CFAP74: variants seen among roughly 807,000 people sequenced by gnomAD.
The protein encoded by CFAP74 is cilia- and flagella-associated protein 74.
Under a neutral mutation model 188.9 loss-of-function variants are expected in CFAP74, and 124 were observed. That is an observed-to-expected ratio of 0.66 (90% CI 0.57 to 0.76). The LOEUF is 0.76. Among genes scored for constraint, CFAP74 ranks in the 30% least tolerant of loss-of-function variants. The pLI is 0.00. For synonymous variants in CFAP74, 956 were observed against 916.7 expected (o/e 1.04, Z -0.77); for missense variants, 2,198 against 2,165.2 (o/e 1.02, Z -0.30).
chr1:1,972,675 A>G (rs1488784813), intron 8 of CFAP74, among the ~76,000 whole-genome samples: 1 of 152,096 alleles, frequency 6.6e-6, no homozygotes, highest in African/African-American at 2.4e-5. Context: ...GTGAAACCCC[A>G]TCTCTACTAA....
At chr1:1,933,000 C>G (rs1652540028) in intron 25 of CFAP74, among the ~76,000 whole-genome samples, 1 of 147,226 alleles carries the variant, frequency 6.8e-6, no homozygotes, top group African/African-American at 2.5e-5. Flanking sequence ...ATTCTCCTGC[C>G]TCAGCCTCCC....
In CFAP74 at chr1:1,975,457, G is replaced by A. The variant is rs1025639047; in HGVS notation, c.501-1259C>T. Among the ~76,000 whole-genome samples, 1 of 152,144 alleles carries A rather than the reference G, an allele frequency of 6.6e-6. No homozygotes were observed. Among genetic ancestry groups the A allele is most frequent in the African/African-American group, 2.4e-5 (1 of 41,422 alleles). ...ATTTCAATGTTGAATGTTTGATTTG[G>A]GGTTTTCTGATTTGCCTCCTGAGAT... is the stretch of plus-strand genomic sequence containing the variant. On this transcript the variant is annotated intron_variant, in intron 6 of 38. Coordinates refer to ENST00000682832, the MANE Select transcript of CFAP74 (RefSeq NM_001304360.2). This position sits in a 1 kb window ranked among gnomAD's most constrained non-coding sequence, Gnocchi z 4.5.
intron 11 of CFAP74, 24 bp from the exon 12 acceptor site, chr1:1,966,550 G>A (rs202109215): frequency 4.6e-5 from 69 of 1,501,630 alleles, no homozygotes; most frequent in Non-Finnish European, 5.4e-5. Flanking sequence ...GAGGAACATC[G>A]CAAAGACACG....
At chr1:1,945,913 T>C (rs2803339) in intron 20 of CFAP74, among the ~76,000 whole-genome samples, 118,783 of 143,742 alleles carry the variant, frequency 0.83, 49,080 homozygotes, top group African/African-American at 0.92. Context: ...TGTGCATGTG[T>C]GTGAGGACTC....
chr1:1,976,125 A>G (rs1656424296), intron 6 of CFAP74, among the ~76,000 whole-genome samples: 1 of 152,170 alleles, frequency 6.6e-6, no homozygotes, highest in African/African-American at 2.4e-5. Context: ...ACGAGGCACT[A>G]ATCGCCCCCA....
rs1280036661 is a variant in CFAP74 at position 1,928,864 on chromosome 1, C to T, written c.3307G>A (p.Ala1103Thr). The change falls in exon 27 of 39, where the codon GCC becomes ACC. Residue 1103 changes from alanine to threonine, a missense_variant. Physicochemically the swap from Ala to Thr is moderately conservative, Grantham distance 58. Coordinates refer to ENST00000682832, the MANE Select transcript of CFAP74 (RefSeq NM_001304360.2). ...TTCTCGGGCAGCACTGGCCGGAAGG[C>T]CACCTGGACCAGGCACCTCTGAGGA... The part of the protein sequence containing the change: ...WPGKRCLVQV[A>T]FRPVLPEKLI... 1 of 1,535,584 alleles carries T rather than the reference C, an allele frequency of 6.5e-7. No homozygotes were observed. The highest frequency in any genetic ancestry group is 8.7e-7 in the Non-Finnish European group (1 of 1,146,636).
rs576168263 is a variant in CFAP74, at chr1:1,934,584, G to A, written c.3012-4248C>T. On this transcript the variant is annotated intron_variant, in intron 25 of 38. Coordinates refer to ENST00000682832, the MANE Select transcript of CFAP74 (RefSeq NM_001304360.2). The stretch of plus-strand genomic sequence containing the variant: ...ACACACGTGTGTACGTGGGTGTTAG[G>A]TTATAGGTACACGTGTGTATGTGTG... Among the ~76,000 whole-genome samples the A allele has an allele frequency of 3.0e-3, 452 of 150,612 alleles. 5 individuals carry two copies. Among genetic ancestry groups the A allele is most frequent in the Admixed American group, 0.026 (394 of 15,124 alleles).
chr1:1,971,138 TGCTC>T (rs1486377771), intron 9 of CFAP74, among the ~76,000 whole-genome samples: 1 of 133,308 alleles, frequency 7.5e-6, no homozygotes, highest in Non-Finnish European at 1.6e-5. Context: ...TGCACACACA[TGCTC>T]GCACATGCAC....
At chr1:1,990,735 A>G (rs1432819810) in intron 2 of CFAP74, among the ~76,000 whole-genome samples, 155 bp downstream of exon 2, 1 of 152,226 alleles carries the variant, frequency 6.6e-6, no homozygotes, top group Non-Finnish European at 1.5e-5. Flanking sequence ...TCTTTCAAAT[A>G]AAGACAATAA....
At chr1:1,955,561 C>G (rs750092290) in intron 18 of CFAP74, 130 bp downstream of exon 18, 1 of 1,611,720 alleles carries the variant, frequency 6.2e-7, no homozygotes. Context: ...GCTTAACCGT[C>G]ACTTAACATC....
chr1:1,997,780 C>T (rs570733380), intron 1 of CFAP74, among the ~76,000 whole-genome samples: 11 of 152,126 alleles, frequency 7.2e-5, no homozygotes, highest in Non-Finnish European at 1.2e-4. Flanking sequence ...ATGGAACAAA[C>T]GACCCATTTC....
rs1336141949 is a variant in CFAP74 at position 1,926,868 on chromosome 1, C to A, written c.3662+26G>T. The A allele has an allele frequency of 1.2e-5, 18 of 1,549,684 alleles. 1 individual carries two copies. The South Asian group carries it at 2.1e-4, about 18-fold the overall frequency. On this transcript the variant is annotated intron_variant, in intron 29 of 38. Transcript: ENST00000682832. ...ACAGCGCGTTTGCGGCTGACCACACCCTGTTCTGGCCAGAGCACCCCGCAC... is the reference window on the plus strand; with the variant it reads ...ACAGCGCGTTTGCGGCTGACCACACACTGTTCTGGCCAGAGCACCCCGCAC...
intron 22 of CFAP74, among the ~76,000 whole-genome samples, 174 bp from the exon 23 acceptor site, chr1:1,940,577 C>T (rs935920861): frequency 5.9e-5 from 9 of 152,242 alleles, no homozygotes; most frequent in Non-Finnish European, 1.2e-4. Flanking sequence ...CCCACGAGCA[C>T]GTGGCCCCTG....
intron 18 of CFAP74, among the ~76,000 whole-genome samples, chr1:1,950,458 G>A (rs938650673): frequency 6.6e-6 from 1 of 151,674 alleles, no homozygotes; most frequent in African/African-American, 2.4e-5. Context: ...TCCTGCCTCA[G>A]CCTCCCGAGT....
intron 18 of CFAP74, chr1:1,954,702 G>A (rs932329259): frequency 3.6e-5 from 23 of 633,270 alleles, no homozygotes; most frequent in Non-Finnish European, 4.4e-5. Flanking sequence ...AGGATTGCTT[G>A]AGCCCGGGAG....
At chr1:1,976,774 C>G (rs569667343) in intron 6 of CFAP74, among the ~76,000 whole-genome samples, 30 of 152,122 alleles carry the variant, frequency 2.0e-4, no homozygotes, top group African/African-American at 6.8e-4. Context: ...AACTCCTGAC[C>G]TCAGGTGATC....
intron 6 of CFAP74, among the ~76,000 whole-genome samples, chr1:1,979,206 T>A: frequency 1.2e-5 from 1 of 82,738 alleles, no homozygotes; most frequent in Non-Finnish European, 2.5e-5. Context: ...GAGCTGGGCG[T>A]GGGAAGGCGT....
chr1:1,980,988 C>T (rs1169323088), intron 6 of CFAP74, among the ~76,000 whole-genome samples: 7 of 152,220 alleles, frequency 4.6e-5, no homozygotes, highest in Admixed American at 2.6e-4. Flanking sequence ...TTCCAGAACG[C>T]GGTTTGGGTC....
intron 21 of CFAP74, among the ~76,000 whole-genome samples, chr1:1,943,993 C>A (rs79391687): frequency 0.15 from 22,419 of 152,102 alleles, 3,148 homozygotes; most frequent in African/African-American, 0.36. Flanking sequence ...CTCCTGCCTC[C>A]CTGTGACGCC....
Sources: allele counts gnomAD v4.1 joint callset (sites outside exome capture counted in the v4.1 genomes callset), GRCh38; gene constraint gnomAD v4.1.1; non-coding constraint Gnocchi (gnomAD v3.1); transcripts MANE v1.5; gene names NCBI Gene and HGNC (gene_info 2026-07-23, HGNC 2026-07-21).